DGKI: variants seen among roughly 807,000 people sequenced by gnomAD.
DGKI encodes diacylglycerol kinase iota, also known as DAG kinase iota.
In DGKI, 55 loss-of-function variants were observed where a neutral mutation model predicts 147.5. The observed-to-expected ratio is 0.37, with a 90% CI of 0.30 to 0.47. DGKI has a LOEUF of 0.47. DGKI is among the 20% of genes least tolerant of loss of function. DGKI has a pLI of 1.00. For missense variants in DGKI, 1,007 were observed against 1,323.8 expected (o/e 0.76, Z 3.71); for synonymous variants, 469 against 477.1 (o/e 0.98, Z 0.22).
chr7:137,742,724 G>T (rs1795213365), intron 1 of DGKI, among the ~76,000 whole-genome samples: 1 of 148,544 alleles, frequency 6.7e-6, no homozygotes, highest in African/African-American at 2.6e-5. Flanking sequence ...AGCTACCGGG[G>T]GAAAAAAAAT....
At chr7:137,778,194 T>C (rs1190719910) in intron 1 of DGKI, among the ~76,000 whole-genome samples, 1 of 152,294 alleles carries the variant, frequency 6.6e-6, no homozygotes, top group East Asian at 1.9e-4. Flanking sequence ...TCGAGCTGAC[T>C]TTTGAAGAAC....
At chr7:137,704,893 C>G (rs1793962430) in intron 1 of DGKI, among the ~76,000 whole-genome samples, 1 of 152,104 alleles carries the variant, frequency 6.6e-6, no homozygotes, top group South Asian at 2.1e-4. Context: ...GAAATAAAAA[C>G]AGTAACTGTC....
At chr7:137,457,042 G>A (rs566185312) in intron 27 of DGKI, among the ~76,000 whole-genome samples, 21 of 152,254 alleles carry the variant, frequency 1.4e-4, no homozygotes, top group Middle Eastern at 6.8e-3. Flanking sequence ...AATTCACCAA[G>A]TCATTTCAAA....
At chr7:137,614,215 G>A (rs1820458331) in intron 8 of DGKI, among the ~76,000 whole-genome samples, 1 of 152,152 alleles carries the variant, frequency 6.6e-6, no homozygotes, top group South Asian at 2.1e-4. Flanking sequence ...TTAGAAGATA[G>A]GAGCAGCCCA....
At chr7:137,643,232 A>C (rs1388656906) in intron 6 of DGKI, among the ~76,000 whole-genome samples, 3 of 138,838 alleles carry the variant, frequency 2.2e-5, no homozygotes, top group Non-Finnish European at 3.0e-5. Flanking sequence ...CGGAGCTTGC[A>C]GTGAGTGGAG....
At chr7:137,408,807 T>C (rs1009554690) in intron 29 of DGKI, among the ~76,000 whole-genome samples, 10 of 152,060 alleles carry the variant, frequency 6.6e-5, no homozygotes, top group Non-Finnish European at 1.3e-4. Flanking sequence ...TTACAGAAAA[T>C]GTGAATGAGT....
intron 1 of DGKI, among the ~76,000 whole-genome samples, chr7:137,694,224 G>A (rs1823708740): frequency 6.6e-6 from 1 of 151,980 alleles, no homozygotes; most frequent in Non-Finnish European, 1.5e-5. Flanking sequence ...AGGAGGCTGA[G>A]GAAAGAGAAT....
At chr7:137,757,402 T>C (rs1795721375) in intron 1 of DGKI, among the ~76,000 whole-genome samples, 1 of 152,178 alleles carries the variant, frequency 6.6e-6, no homozygotes, top group Admixed American at 6.5e-5. Context: ...TTCCCAGGCT[T>C]CTCATCTTCC....
At chr7:137,642,929 A>AGTGTGTGTGTGTGTGTGTGTGT (rs1207086851) in intron 6 of DGKI, among the ~76,000 whole-genome samples, 3 of 121,172 alleles carry the variant, frequency 2.5e-5, no homozygotes, top group Non-Finnish European at 3.3e-5. Flanking sequence ...ATTATGGAAT[A>AGTGTGTGTGTGTGTGTGTGTGT]GTGTGTGTGT....
At chr7:137,463,433 T>C in intron 27 of DGKI, 56 bp downstream of exon 27, 3 of 1,601,662 alleles carry the variant, frequency 1.9e-6, no homozygotes, top group South Asian at 1.1e-5. Context: ...CCACAGTACA[T>C]CCTCTCCCAG....
At chr7:137,563,772 A>G (rs904167367) in intron 19 of DGKI, among the ~76,000 whole-genome samples, 3 of 152,120 alleles carry the variant, frequency 2.0e-5, no homozygotes, top group Non-Finnish European at 4.4e-5. Context: ...AAGCTACAAA[A>G]CATTGTTGAT....
chr7:137,412,732 T>C (rs924321016), intron 28 of DGKI, among the ~76,000 whole-genome samples: 1 of 152,226 alleles, frequency 6.6e-6, no homozygotes, highest in Non-Finnish European at 1.5e-5. Flanking sequence ...TGTTTTGTGA[T>C]GATAGATAAA....
chr7:137,404,520 A>C (rs2128897107), intron 30 of DGKI, among the ~76,000 whole-genome samples: 1 of 152,302 alleles, frequency 6.6e-6, no homozygotes, highest in South Asian at 2.1e-4. Flanking sequence ...ACATCATAAT[A>C]ACATTTTCTT....
chr7:137,620,015 A>ACACG (rs1177668331), intron 7 of DGKI, 75 bp from the exon 8 acceptor site: 19 of 701,894 alleles, frequency 2.7e-5, no homozygotes, highest in South Asian at 7.9e-5. Flanking sequence ...AAATATGTAC[A>ACACG]CACGCACACA....
intron 3 of DGKI, among the ~76,000 whole-genome samples, chr7:137,659,688 T>C (rs1288756395): frequency 6.6e-6 from 1 of 152,190 alleles, no homozygotes. Flanking sequence ...ATCCCAGCAC[T>C]CTGGGAGGCT....
At chr7:137,554,381 A>G (rs1470950332) in intron 19 of DGKI, among the ~76,000 whole-genome samples, 1 of 152,168 alleles carries the variant, frequency 6.6e-6, no homozygotes, top group African/African-American at 2.4e-5. Context: ...TATTAGTAAT[A>G]CTTTGATTTA....
At chr7:137,772,506 T>C (rs1191993526) in intron 1 of DGKI, among the ~76,000 whole-genome samples, 1 of 152,106 alleles carries the variant, frequency 6.6e-6, no homozygotes, top group African/African-American at 2.4e-5. Context: ...CACATCTGGT[T>C]AGAAAAAAGA....
At chr7:137,617,440 GA>G (rs1354644480) in intron 8 of DGKI, among the ~76,000 whole-genome samples, 2 of 151,888 alleles carry the variant, frequency 1.3e-5, no homozygotes, top group Non-Finnish European at 2.9e-5. Flanking sequence ...TAGACAACAG[GA>G]AAAAATTTTA....
chr7:137,745,551 C>T (rs540408660), intron 1 of DGKI, among the ~76,000 whole-genome samples: 3 of 152,334 alleles, frequency 2.0e-5, no homozygotes, highest in African/African-American at 7.2e-5. Flanking sequence ...CCTTTGTCCA[C>T]GGTATCCATG....
Sources: allele counts gnomAD v4.1 joint callset (sites outside exome capture counted in the v4.1 genomes callset), GRCh38; gene constraint gnomAD v4.1.1; transcripts MANE v1.5; gene names NCBI Gene and HGNC (gene_info 2026-07-23, HGNC 2026-07-21).